Variants in KIF22 observed in about 807,000 individuals in gnomAD.
The protein encoded by KIF22 is kinesin-like protein KIF22.
In KIF22, 62 loss-of-function variants were observed where a neutral mutation model predicts 73.0. That is an observed-to-expected ratio of 0.85 (90% CI 0.69 to 1.05). KIF22 has a LOEUF of 1.05. KIF22 is among the 50% of genes least tolerant of loss of function. The pLI is 0.00. For synonymous variants in KIF22, 411 were observed against 340.1 expected, an observed-to-expected ratio of 1.21 and a Z score of -2.29; for missense variants, 854 against 870.1, an observed-to-expected ratio of 0.98 and a Z score of 0.23.
chr16:29,791,983 A>G (rs541791795), intron 1 of KIF22, among the ~76,000 whole-genome samples: 1 of 152,332 alleles, frequency 6.6e-6, no homozygotes, highest in African/African-American at 2.4e-5. Context: ...TAGATGTAAT[A>G]CGAAACACAA....
rs774363530 is a variant in KIF22 at position 29,804,039 on chromosome 16, C to G, written c.1651C>G (p.Leu551Val). Residue 551 changes from leucine (L) to valine (V), a missense_variant, in exon 11 of 14, where the codon CTG (leucine) becomes GTG (valine). Transcript: ENST00000160827. Reference protein sequence around the residue: ...AASPNAEIHILKNKGRKRKLE... With the variant: ...AASPNAEIHIVKNKGRKRKLE... Reference sequence around the variant, plus strand: ...ATCCCCAAATGCCGAGATCCACATCCTGAAGAATAAAGGCCGGAAGAGAAA... The same window carrying G: ...ATCCCCAAATGCCGAGATCCACATCGTGAAGAATAAAGGCCGGAAGAGAAA... The G allele has an allele frequency of 2.5e-5, 41 of 1,613,834 alleles. No individual in the cohort carries two copies. The Admixed American group carries it at 6.7e-4, about 26-fold the overall frequency.
At chr16:29,793,004 G>C (rs1194483467) in intron 1 of KIF22, among the ~76,000 whole-genome samples, 2 of 152,210 alleles carry the variant, frequency 1.3e-5, no homozygotes, top group African/African-American at 4.8e-5. Flanking sequence ...AGACTTGACA[G>C]ATGTTAATGA....
At chr16:29,793,427 C>A (rs1898869365) in intron 1 of KIF22, among the ~76,000 whole-genome samples, 1 of 152,034 alleles carries the variant, frequency 6.6e-6, no homozygotes, top group Non-Finnish European at 1.5e-5. Context: ...CAGTGAGATT[C>A]TGTCTCAAAA....
In KIF22 at chr16:29,799,119, C is replaced by G; in HGVS notation, c.694C>G (p.Arg232Gly). The G allele has an allele frequency of 5.0e-6, 8 of 1,614,090 alleles. No individual in the cohort carries two copies. Among genetic ancestry groups the G allele is most frequent in the Non-Finnish European group, 6.8e-6 (8 of 1,180,034 alleles). ...GCACTTCCTGCCAGCCAGTCGAAATCGGACTGTAGGAGCCACCCGGCTCAA... is the reference window on the plus strand; with the variant it reads ...GCACTTCCTGCCAGCCAGTCGAAATGGGACTGTAGGAGCCACCCGGCTCAA... ...ERHFLPASRN[R>G]TVGATRLNQR... is the part of the protein sequence containing the mutation. Residue 232 changes from arginine (R) to glycine (G), a missense_variant, in exon 5 of 14, where the codon CGG (arginine) becomes GGG (glycine). Transcript: ENST00000160827.
intron 7 of KIF22, 28 bp from the exon 8 acceptor site, chr16:29,799,885 C>G (rs1393411840): frequency 2.5e-6 from 4 of 1,613,050 alleles, no homozygotes; most frequent in African/African-American, 1.3e-5. Flanking sequence ...CCCAATCCCT[C>G]TCTCCACCCC....
At position 29,805,315 on chromosome 16, in the gene KIF22, C is replaced by T. The variant is rs760530362; in HGVS notation, c.*5C>T. On this transcript the variant is annotated 3_prime_UTR_variant, in exon 14 of 14. Transcript: ENST00000160827. ...CAGCGCTGTGGCGCCTCCTGACCGT[C>T]GTCTCCTCACTCCGCCTTTTCAAAT... The T allele has an allele frequency of 6.2e-7, 1 of 1,612,836 alleles. No homozygotes were observed. The highest frequency in any genetic ancestry group is 8.5e-7 in the Non-Finnish European group (1 of 1,179,880).
At chr16:29,793,979 C>G (rs1898888368) in intron 1 of KIF22, among the ~76,000 whole-genome samples, 1 of 152,078 alleles carries the variant, frequency 6.6e-6, no homozygotes, top group Non-Finnish European at 1.5e-5. Context: ...GGTGACCCTG[C>G]TGAATAGTGA....
At chr16:29,801,682 AG>A (rs1899142918) in intron 8 of KIF22, among the ~76,000 whole-genome samples, 1 of 152,178 alleles carries the variant, frequency 6.6e-6, no homozygotes. Context: ...ATATGATACC[AG>A]GTGGAGAATT....
At chr16:29,804,367 AAG>A (rs1431593335) in intron 11 of KIF22, 11 of 601,418 alleles carry the variant, frequency 1.8e-5, no homozygotes, top group Non-Finnish European at 2.4e-5. Flanking sequence ...GCAGTCAAGC[AAG>A]AAACCACACA....
rs1898984691 is a variant in KIF22 at position 29,797,627 on chromosome 16, G to A, written c.266+539G>A. On this transcript the variant is annotated intron_variant, in intron 2 of 13. Coordinates refer to ENST00000160827, the MANE Select transcript of KIF22 (RefSeq NM_007317.3). This position sits in a 1 kb window ranked among gnomAD's most constrained non-coding sequence, Gnocchi z 4.1. ...AAATTTTATCGTTTATTTACATATT[G>A]TCTATAGCTGCTTTCTGACTACAGT... Among the ~76,000 whole-genome samples the A allele has an allele frequency of 6.6e-6, 1 of 152,132 alleles. No individual in the cohort carries two copies. The highest frequency in any genetic ancestry group is 2.1e-4 in the South Asian group (1 of 4,828).
chr16:29,792,149 G>C (rs1898835167), intron 1 of KIF22, among the ~76,000 whole-genome samples: 1 of 129,918 alleles, frequency 7.7e-6, no homozygotes, highest in Non-Finnish European at 1.7e-5. Flanking sequence ...AACAGCAAGT[G>C]TTTTCTTATT....
Position 29,798,464 on chromosome 16 carries a change from G to A in KIF22, c.357G>A (p.Gln119=), listed in dbSNP as rs1300084174. 6.2e-6 allele frequency: 10 copies of A among 1,614,076 alleles called. No individual in the cohort carries two copies. Among genetic ancestry groups the A allele is most frequent in the East Asian group, 4.5e-5 (2 of 44,900 alleles). Reference sequence around the variant, plus strand: ...TCCTAAGGCACTTGCTGGAAGGGCAGAATGCCAGTGTGCTTGCCTATGGAC... The same window carrying A: ...TCCTAAGGCACTTGCTGGAAGGGCAAAATGCCAGTGTGCTTGCCTATGGAC... ...QPILRHLLEG[Q]NASVLAYGPT... is the part of the protein sequence containing the mutation. The change falls in exon 3 of 14, where the codon CAG becomes CAA. Residue 119 remains glutamine (Q), a synonymous_variant. Transcript: ENST00000160827. The surrounding 1 kb of genome is among the most constrained non-coding windows in gnomAD (Gnocchi z 4.1).
Position 29,797,843 on chromosome 16 carries a change from A to G in KIF22, c.267-531A>G, listed in dbSNP as rs1466630651. Among the ~76,000 whole-genome samples, 1 of 152,216 alleles carries G rather than the reference A, an allele frequency of 6.6e-6. No homozygotes were observed. Among genetic ancestry groups the G allele is most frequent in the Non-Finnish European group, 1.5e-5 (1 of 68,044 alleles). Reference sequence around the variant, plus strand: ...GTGGCCTAAGCTGCACTTCTCCACCAGAACGCAGTGGATAGGTGATTGGTA... The same window carrying G: ...GTGGCCTAAGCTGCACTTCTCCACCGGAACGCAGTGGATAGGTGATTGGTA... On this transcript the variant is annotated intron_variant, in intron 2 of 13. Coordinates refer to ENST00000160827, the MANE Select transcript of KIF22 (RefSeq NM_007317.3). This position sits in a 1 kb window ranked among gnomAD's most constrained non-coding sequence, Gnocchi z 4.1.
Position 29,791,165 on chromosome 16 carries a change from A to C in KIF22, c.70+336A>C, listed in dbSNP as rs527900982. ...CTCATCCCTGGAGATCACCTGAATA[A>C]GCAAGAGAAGAGTGGCGGACGCTCT... On this transcript the variant is annotated intron_variant, in intron 1 of 13. Transcript: ENST00000160827. 45 of 1,208,488 alleles carry C rather than the reference A, an allele frequency of 3.7e-5. No individual in the cohort carries two copies. The African/African-American group carries it at 6.3e-4, about 17-fold the overall frequency. The allele number at this position is 1,208,488 out of a possible 1,614,324, so 74.9% of individuals were successfully genotyped here. A position where few individuals can be genotyped will look rare whatever the true frequency, so the allele number is the denominator to read the frequency against.
intron 8 of KIF22, among the ~76,000 whole-genome samples, chr16:29,802,400 A>G (rs1216815321): frequency 6.6e-6 from 1 of 152,044 alleles, no homozygotes; most frequent in Non-Finnish European, 1.5e-5. Flanking sequence ...GTGGATTTCA[A>G]AGCCCTGCTA....
At chr16:29,803,020 C>G in intron 9 of KIF22, 83 bp downstream of exon 9, 5 of 1,395,894 alleles carry the variant, frequency 3.6e-6, no homozygotes, top group Non-Finnish European at 3.0e-6. Flanking sequence ...GAAGGACACT[C>G]AGGCTGGACT....
Position 29,798,294 on chromosome 16 carries a change from C to A in KIF22, c.267-80C>A. 7.4e-7 allele frequency: 1 copy of A among 1,347,952 alleles called. No individual in the cohort carries two copies. Among genetic ancestry groups the A allele is most frequent in the Non-Finnish European group, 9.9e-7 (1 of 1,007,380 alleles). The allele number at this position is 1,347,952 out of a possible 1,614,324, so 83.5% of individuals were successfully genotyped here. A position where few individuals can be genotyped will look rare whatever the true frequency, so the allele number is the denominator to read the frequency against. On this transcript the variant is annotated intron_variant, in intron 2 of 13. Transcript: ENST00000160827. The surrounding 1 kb of genome is among the most constrained non-coding windows in gnomAD (Gnocchi z 4.1). ...ATGAGAGTAGAATCCCTTACCCACC[C>A]CCACCCCACTCCACCCCTTACACAC...
At chr16:29,793,924 T>C (rs965131989) in intron 1 of KIF22, among the ~76,000 whole-genome samples, 2 of 152,086 alleles carry the variant, frequency 1.3e-5, no homozygotes, top group Non-Finnish European at 2.9e-5. Context: ...TCCAACAGGA[T>C]TGAGGCTGAG....
Position 29,803,606 on chromosome 16 carries a change from TA to T in KIF22, c.1609del (p.Ile537PhefsTer15). Reference protein sequence around the residue: ...LKKAVVMPLQLIQEQAASPNA... With the variant: ...LKKAVVMPLQXIQEQAASPNA... ...AAGGCTGTGGTGATGCCCCTACAGCTAAGTAAGTTTGACTCCAGGGGCTGGG... is the reference window on the plus strand; with the variant it reads ...AAGGCTGTGGTGATGCCCCTACAGCTAGTAAGTTTGACTCCAGGGGCTGGG... On this transcript the variant is annotated frameshift_variant and splice_region_variant, in exon 10 of 14. Coordinates refer to ENST00000160827, the MANE Select transcript of KIF22 (RefSeq NM_007317.3). LOFTEE classifies it high-confidence loss of function. 1.2e-6 allele frequency: 2 copies of T among 1,603,770 alleles called. No homozygotes were observed. The highest frequency in any genetic ancestry group is 1.7e-6 in the Non-Finnish European group (2 of 1,175,700).
Sources: allele counts gnomAD v4.1 joint callset (sites outside exome capture counted in the v4.1 genomes callset), GRCh38; gene constraint gnomAD v4.1.1; non-coding constraint Gnocchi (gnomAD v3.1); transcripts MANE v1.5; gene names NCBI Gene and HGNC (gene_info 2026-07-23, HGNC 2026-07-21).